POLE: variants seen among roughly 807,000 people sequenced by gnomAD.
POLE encodes DNA polymerase epsilon catalytic subunit A.
POLE carries 188 observed loss-of-function variants against 279.2 expected under a neutral mutation model. That is an observed-to-expected ratio of 0.67 (90% CI 0.60 to 0.76). The LOEUF (loss-of-function observed/expected upper bound fraction) is 0.76. Among genes scored for constraint, POLE ranks in the 30% least tolerant of loss-of-function variants. The pLI is 0.00. For missense variants in POLE, 2,703 were observed against 3,016.7 expected, an observed-to-expected ratio of 0.90 and a Z score of 2.44; for synonymous variants, 1,214 against 1,172.5, an observed-to-expected ratio of 1.04 and a Z score of -0.72.
intron 20 of POLE, among the ~76,000 whole-genome samples, chr12:132,667,018 A>G (rs916451593): frequency 2.6e-5 from 4 of 152,146 alleles, no homozygotes; most frequent in Admixed American, 2.0e-4. Flanking sequence ...GATATAAAAT[A>G]ATGACCCGTT....
In POLE at chr12:132,673,590, G is replaced by C. The variant is rs771963023; in HGVS notation, c.1344C>G (p.Ala448=). The change falls in exon 13 of 49, where the codon GCC becomes GCG. Residue 448 remains alanine, a synonymous_variant. Transcript: ENST00000320574. ...GCTTACGTGCCTGGGGCTGCTCCGT[G>C]GCCATCCGGCACATGTCCTCCGGGT... The part of the protein sequence containing the change: ...ELDPEDMCRM[A]TEQPQTLATY... The C allele has an allele frequency of 6.2e-7, 1 of 1,612,824 alleles. No homozygotes were observed. The highest frequency in any genetic ancestry group is 8.5e-7 in the Non-Finnish European group (1 of 1,179,982).
chr12:132,661,629 T>C lies in POLE; in HGVS notation c.2762A>G (p.Tyr921Cys). The C allele has an allele frequency of 1.2e-6, 2 of 1,614,050 alleles. No individual in the cohort carries two copies. Among genetic ancestry groups the C allele is most frequent in the African/African-American group, 1.3e-5 (1 of 75,006 alleles). ...GATGCTGTTCTCTGAGCGGGTGACG[T>C]AGGTGAGTGAGGACGGCTCAGCCAG... Reference protein sequence around the residue: ...QELAEPSSLTYVTRSENSIFF... With the variant: ...QELAEPSSLTCVTRSENSIFF... Residue 921 changes from tyrosine to cysteine, a missense_variant, in exon 24 of 49, where the codon TAC (tyrosine) becomes TGC (cysteine). Tyr to Cys is a radical substitution (Grantham distance 194). Around this residue, in one of 5 missense-constraint regions of POLE, gnomAD observed 101 missense variants for 115.4 expected, o/e 0.87. Transcript: ENST00000320574. The surrounding 1 kb of genome is among the most constrained non-coding windows in gnomAD (Gnocchi z 4.1).
chr12:132,668,908 G>GA lies in POLE; in HGVS notation c.1825dup (p.Ser609PhefsTer47). 1 of 1,614,148 alleles carries GA rather than the reference G, an allele frequency of 6.2e-7. No homozygotes were observed. Among genetic ancestry groups the GA allele is most frequent in the Non-Finnish European group, 8.5e-7 (1 of 1,180,012 alleles). On this transcript the variant is annotated frameshift_variant, in exon 17 of 49. Coordinates refer to ENST00000320574, the MANE Select transcript of POLE (RefSeq NM_006231.4). LOFTEE classifies it high-confidence loss of function. This position sits in a 1 kb window ranked among gnomAD's most constrained non-coding sequence, Gnocchi z 4.0. ...GATGCGGCTGGGAACGTCCTTCAGGGAGGCAAGCTTGCTCTTAATCTCATC... is the reference window on the plus strand; with the variant it reads ...GATGCGGCTGGGAACGTCCTTCAGGGAAGGCAAGCTTGCTCTTAATCTCATC...
In POLE at chr12:132,675,427, C is replaced by T. The variant is rs1000162996; in HGVS notation, c.1197G>A (p.Ala399=). The T allele has an allele frequency of 9.3e-6, 15 of 1,614,026 alleles. No homozygotes were observed. The highest frequency in any genetic ancestry group is 1.3e-5 in the African/African-American group (1 of 74,930). ...FQKDSQGEYK[A]PQCIHMDCLR... ...GGCAGTCCATGTGGATGCACTGGGG[C>T]GCCTTGTACTCCCCCTGGCTGTCCT... is the stretch of plus-strand genomic sequence containing the variant. The change falls in exon 12 of 49, where the codon GCG becomes GCA. Residue 399 remains alanine, a synonymous_variant. Coordinates refer to ENST00000320574, the MANE Select transcript of POLE (RefSeq NM_006231.4). This position sits in a 1 kb window ranked among gnomAD's most constrained non-coding sequence, Gnocchi z 4.3.
At position 132,676,210 on chromosome 12, in the gene POLE, C is replaced by A. The variant is rs4077170; in HGVS notation, c.910-6G>T. 5.6e-6 allele frequency: 9 copies of A among 1,602,118 alleles called. No homozygotes were observed. Among genetic ancestry groups the A allele is most frequent in the Admixed American group, 1.7e-5 (1 of 59,744 alleles). The stretch of plus-strand genomic sequence containing the variant: ...CTGTTGGTGATGAGGTAGCCCTAGC[C>A]AAGTTCATTAGCAATCAGCACAAGT... On this transcript the variant is annotated splice_polypyrimidine_tract_variant and splice_region_variant and intron_variant, in intron 9 of 48. Transcript: ENST00000320574.
rs1184724406 is a variant in POLE, at chr12:132,649,428, G to T, written c.3883C>A (p.Leu1295Met). The T allele has an allele frequency of 2.5e-6, 4 of 1,612,942 alleles. No homozygotes were observed. In the Admixed American group the frequency reaches 6.7e-5, roughly 27 times the overall value. ...QRLARRKRQRLESAEGVLRPG... is the reference protein window; with the variant it reads ...QRLARRKRQRMESAEGVLRPG... ...CTGAGCACACCCTCTGCCGACTCCA[G>T]ACGCTGCCTCTTCCTGCGGGCGAGG... Residue 1295 changes from leucine to methionine, a missense_variant, in exon 31 of 49, where the codon CTG becomes ATG. Coordinates refer to ENST00000320574, the MANE Select transcript of POLE (RefSeq NM_006231.4).
intron 7 of POLE, 45 bp downstream of exon 7, chr12:132,677,533 G>A (rs968117285): frequency 3.1e-6 from 5 of 1,612,804 alleles, no homozygotes; most frequent in South Asian, 1.1e-5. Context: ...TCTCCTGGCT[G>A]TTAGGAAATT....
chr12:132,646,554 C>T (rs1464501758), intron 32 of POLE, among the ~76,000 whole-genome samples: 8 of 150,376 alleles, frequency 5.3e-5, no homozygotes, highest in South Asian at 2.1e-4. Flanking sequence ...ATTCTGGGGC[C>T]GGGCGCCATG....
chr12:132,654,006 T>C (rs1461978575), intron 29 of POLE, among the ~76,000 whole-genome samples: 6 of 152,216 alleles, frequency 3.9e-5, no homozygotes, highest in Admixed American at 3.9e-4. Context: ...TAAACAGTGC[T>C]TGCTATTCCC....
At chr12:132,678,154 G>A (rs980841253) in intron 6 of POLE, among the ~76,000 whole-genome samples, 16 of 151,980 alleles carry the variant, frequency 1.1e-4, no homozygotes, top group African/African-American at 3.9e-4. Context: ...CTCCAGCCTG[G>A]GCAACAGAGC....
chr12:132,644,157 TTA>T (rs2042222707), intron 32 of POLE, among the ~76,000 whole-genome samples, 180 bp from the exon 33 acceptor site: 1 of 152,120 alleles, frequency 6.6e-6, no homozygotes, highest in South Asian at 2.1e-4. Flanking sequence ...GATGTAATTT[TTA>T]TGTTATTTAT....
At position 132,625,418 on chromosome 12, in the gene POLE, C is replaced by T. The variant is rs4883543; in HGVS notation, c.6657+227G>A. 0.48 allele frequency: 363,233 copies of T among 756,112 alleles called. 89,881 individuals carry two copies. The highest frequency in any genetic ancestry group is 0.7 in the East Asian group (28,165 of 40,354). 46.8% of individuals were successfully genotyped at this position (756,112 alleles called of 1,614,324 possible). The stretch of plus-strand genomic sequence containing the variant: ...ACACTTGGGAGTGTCTGCCTCCTTC[C>T]GCTAGAACGAAGCACCCACAAGGCC... On this transcript the variant is annotated intron_variant, in intron 47 of 48. Transcript: ENST00000320574.
At position 132,643,457 on chromosome 12, in the gene POLE, A is replaced by C. The variant is rs2042202503; in HGVS notation, c.4394T>G (p.Leu1465Arg). 1 of 1,614,104 alleles carries C rather than the reference A, an allele frequency of 6.2e-7. No individual in the cohort carries two copies. Among genetic ancestry groups the C allele is most frequent in the African/African-American group, 1.3e-5 (1 of 74,948 alleles). ...CAGAGAGCGCATCTCCAGGTGCTCA[A>C]GAGCAAAGGTCTCTGCTTCCCAGCC... ...LSGWEAETFA[L>R]EHLEMRSLAQ... is the part of the protein sequence containing the mutation. The change falls in exon 34 of 49, where the codon CTT becomes CGT. Residue 1465 changes from leucine to arginine, a missense_variant. By Grantham distance (102) the Leu-to-Arg change is moderately radical. Transcript: ENST00000320574.
chr12:132,627,332 T>G (rs889127505), intron 45 of POLE, among the ~76,000 whole-genome samples: 2 of 151,964 alleles, frequency 1.3e-5, no homozygotes, highest in African/African-American at 4.8e-5. Flanking sequence ...AGGATTTCAC[T>G]CTGTCACCCA....
chr12:132,672,761 T>C lies in POLE; in HGVS notation c.1552A>G (p.Asn518Asp). 6.2e-7 allele frequency: 1 copy of C among 1,614,176 alleles called. No homozygotes were observed. Among genetic ancestry groups the C allele is most frequent in the Non-Finnish European group, 8.5e-7 (1 of 1,180,030 alleles). ...QAFHANIIFP[N>D]KQEQEFNKLT... ...TTATTGAACTCCTGCTCTTGCTTGT[T>C]GGGGAAGATGATGTTGGCGTGGAAG... Residue 518 changes from asparagine (N) to aspartate (D), a missense_variant, in exon 15 of 49, where the codon AAC (asparagine) becomes GAC (aspartate). By Grantham distance (23) the Asn-to-Asp change is conservative (BLOSUM62 1). Around this residue, in one of 5 missense-constraint regions of POLE, gnomAD observed 1,011 missense variants for 1,111.7 expected, o/e 0.91. Coordinates refer to ENST00000320574, the MANE Select transcript of POLE (RefSeq NM_006231.4).
At chr12:132,678,267 C>A (rs1593083134) in intron 6 of POLE, among the ~76,000 whole-genome samples, 1 of 151,198 alleles carries the variant, frequency 6.6e-6, no homozygotes, top group African/African-American at 2.4e-5. Context: ...GTGAGTTACA[C>A]CCCAACTAGA....
chr12:132,667,793 A>G (rs1458551828), intron 19 of POLE, 145 bp from the exon 20 acceptor site: 1 of 912,590 alleles, frequency 1.1e-6, no homozygotes, highest in Middle Eastern at 2.4e-4. Flanking sequence ...CTCATACCGA[A>G]AAAGGTGGGC....
Position 132,624,748 on chromosome 12 carries a change from G to C in POLE, c.6810C>G (p.Leu2270=), listed in dbSNP as rs757092767. ...GCAGCAGCCACTCCAGGGTCTCCAG[G>C]AGGTACGACATGCCGTAGTGCTGGG... ...NIAQHYGMSY[L]LETLEWLLQK... The change falls in exon 49 of 49, where the codon CTC becomes CTG. Residue 2270 remains leucine (L), a synonymous_variant. Coordinates refer to ENST00000320574, the MANE Select transcript of POLE (RefSeq NM_006231.4). The C allele has an allele frequency of 6.2e-7, 1 of 1,613,838 alleles. No homozygotes were observed. The highest frequency in any genetic ancestry group is 8.5e-7 in the Non-Finnish European group (1 of 1,179,810).
chr12:132,683,324 G>C (rs930827395), intron 1 of POLE, among the ~76,000 whole-genome samples: 28 of 152,192 alleles, frequency 1.8e-4, no homozygotes, highest in African/African-American at 6.5e-4. Context: ...GGATGGGAGA[G>C]AGAGGGTAGG....
Sources: allele counts gnomAD v4.1 joint callset (sites outside exome capture counted in the v4.1 genomes callset), GRCh38; gene constraint gnomAD v4.1.1; regional missense constraint gnomAD v4.1.1; non-coding constraint Gnocchi (gnomAD v3.1); transcripts MANE v1.5; gene names NCBI Gene and HGNC (gene_info 2026-07-23, HGNC 2026-07-21).